The following H3-3A variants were observed in gnomAD, a reference collection of about 807,000 sequenced individuals.
H3-3A encodes the protein histone H3.3.
For missense variants in H3-3A, 7 were observed against 184.0 expected (o/e 0.04, Z 5.57); for synonymous variants, 49 against 61.4 (o/e 0.80, Z 0.95).
rs1046753571 is a variant in H3-3A, at chr1:226,071,809, G to A, written c.*330G>A. 4.7e-6 allele frequency: 1 copy of A among 212,768 alleles called. No individual in the cohort carries two copies. The highest frequency in any genetic ancestry group is 2.5e-5 in the African/African-American group (1 of 40,684). The allele number at this position is 212,768 out of a possible 1,614,324, so 13.2% of individuals were successfully genotyped here. ...TTTTTCTGGACAATGCCAGCATTTG[G>A]ATTTTTTTAAAACAAGTAAATTTCT... On this transcript the variant is annotated 3_prime_UTR_variant, in exon 4 of 4. Coordinates refer to ENST00000366815, the MANE Select transcript of H3-3A (RefSeq NM_002107.7).
intron 2 of H3-3A, 149 bp downstream of exon 2, chr1:226,064,628 C>T: frequency 1.6e-6 from 1 of 609,932 alleles, no homozygotes; most frequent in Non-Finnish European, 2.9e-6. Flanking sequence ...AATAAATGTA[C>T]TGTATGATCA....
In H3-3A at chr1:226,071,507, T is replaced by G. The variant is rs1235713101; in HGVS notation, c.*28T>G. The stretch of plus-strand genomic sequence containing the variant: ...ATCCACTATGATGGGAAACATTTCA[T>G]TCTCAAAAAAAAAAAAAAAAATTTC... On this transcript the variant is annotated 3_prime_UTR_variant, in exon 4 of 4. Transcript: ENST00000366815. The G allele has an allele frequency of 8.4e-6, 8 of 954,590 alleles. No individual in the cohort carries two copies. The highest frequency in any genetic ancestry group is 1.0e-5 in the Non-Finnish European group (7 of 686,458). 59.1% of individuals were successfully genotyped at this position (954,590 alleles called of 1,614,324 possible). A position where few individuals can be genotyped will look rare whatever the true frequency, so the allele number is the denominator to read the frequency against.
chr1:226,064,586 T>C (rs1657859623), intron 2 of H3-3A, 107 bp downstream of exon 2: 1 of 786,328 alleles, frequency 1.3e-6, no homozygotes, highest in Admixed American at 2.9e-5. Flanking sequence ...GAGAAACTTT[T>C]TTTTTTCATT....
At position 226,066,223 on chromosome 1, in the gene H3-3A, CAT is replaced by C. The variant is rs1248137472; in HGVS notation, c.282+418_282+419del. On this transcript the variant is annotated intron_variant, in intron 3 of 3. Coordinates refer to ENST00000366815, the MANE Select transcript of H3-3A (RefSeq NM_002107.7). ...AATGTCTCTTCAGGTCCTGAAGAAA[CAT>C]ATAGGTAGAGAGAGCTTAATACCTA... 1.3e-5 allele frequency: 3 copies of C among 233,018 alleles called. No homozygotes were observed. The East Asian group carries it at 2.7e-4, about 21-fold the overall frequency. 14.4% of individuals were successfully genotyped at this position (233,018 alleles called of 1,614,324 possible). A position where few individuals can be genotyped will look rare whatever the true frequency, so the allele number is the denominator to read the frequency against.
intron 3 of H3-3A, 98 bp downstream of exon 3, chr1:226,065,907 C>T (rs745441233): frequency 4.4e-6 from 4 of 914,034 alleles, no homozygotes; most frequent in Non-Finnish European, 7.1e-6. Context: ...TAATCACAAG[C>T]CTGTCAGGTA....
chr1:226,064,915 T>TA (rs1483163986), intron 2 of H3-3A, among the ~76,000 whole-genome samples: 2 of 152,246 alleles, frequency 1.3e-5, no homozygotes, highest in African/African-American at 4.8e-5. Context: ...TTGATTAGCT[T>TA]ATTTCCTTCT....
intron 3 of H3-3A, among the ~76,000 whole-genome samples, chr1:226,069,039 G>A (rs1311929034): frequency 1.4e-5 from 2 of 147,632 alleles, no homozygotes; most frequent in African/African-American, 5.1e-5. Context: ...AGCTAGAAAT[G>A]TGAAAGTACC....
At chr1:226,064,768 A>G (rs966579613) in intron 2 of H3-3A, among the ~76,000 whole-genome samples, 1 of 152,242 alleles carries the variant, frequency 6.6e-6, no homozygotes, top group Admixed American at 6.5e-5. Flanking sequence ...CATTTTAGTT[A>G]ACTATTAGTA....
chr1:226,066,993 A>G (rs867333138), intron 3 of H3-3A: 4 of 152,158 alleles, frequency 2.6e-5, no homozygotes, highest in Non-Finnish European at 4.4e-5. Flanking sequence ...AAAATCTTCC[A>G]TGTTTTTACT....
chr1:226,063,817 C>CT (rs1225089896), intron 1 of H3-3A, among the ~76,000 whole-genome samples: 1 of 149,912 alleles, frequency 6.7e-6, no homozygotes, highest in Non-Finnish European at 1.5e-5. Flanking sequence ...TTCGAGACGC[C>CT]TTTTTGTCAA....
chr1:226,070,722 G>A (rs181541443), intron 3 of H3-3A, among the ~76,000 whole-genome samples: 5 of 152,246 alleles, frequency 3.3e-5, no homozygotes, highest in East Asian at 1.9e-4. Context: ...GCAGTGAGCC[G>A]AGATCGCGCT....
At chr1:226,063,271 C>T (rs1657798857) in intron 1 of H3-3A, among the ~76,000 whole-genome samples, 1 of 152,152 alleles carries the variant, frequency 6.6e-6, no homozygotes, top group Admixed American at 6.5e-5. Flanking sequence ...TGTTGCTAAG[C>T]TTCACCATCT....
chr1:226,063,289 C>G (rs915987274), intron 1 of H3-3A, among the ~76,000 whole-genome samples: 1 of 152,190 alleles, frequency 6.6e-6, no homozygotes, highest in Non-Finnish European at 1.5e-5. Flanking sequence ...TCTTGTCTCT[C>G]TTCTCTGGTC....
At position 226,064,215 on chromosome 1, in the gene H3-3A, A is replaced by G. The variant is rs527996628; in HGVS notation, c.-23-114A>G. ...TTTCAAATTATATAACAATACGAAC[A>G]TTATTTTTTATACTGATCATAATTT... On this transcript the variant is annotated intron_variant, in intron 1 of 3. Transcript: ENST00000366815. The G allele has an allele frequency of 9.9e-6, 7 of 707,956 alleles. No homozygotes were observed. In the East Asian group the frequency reaches 1.1e-4, roughly 11 times the overall value. The allele number at this position is 707,956 out of a possible 1,614,324, so 43.9% of individuals were successfully genotyped here.
chr1:226,070,584 C>A (rs1449353109), intron 3 of H3-3A, among the ~76,000 whole-genome samples: 1 of 152,016 alleles, frequency 6.6e-6, no homozygotes, highest in Non-Finnish European at 1.5e-5. Context: ...CCAGCCTGAC[C>A]AACATGGTGA....
At position 226,071,957 on chromosome 1, in the gene H3-3A, T is replaced by G. The variant is rs1040631681; in HGVS notation, c.*478T>G. 4 of 219,376 alleles carry G rather than the reference T, an allele frequency of 1.8e-5. No individual in the cohort carries two copies. The highest frequency in any genetic ancestry group is 6.8e-5 in the East Asian group (1 of 14,770). The allele number at this position is 219,376 out of a possible 1,614,324, so 13.6% of individuals were successfully genotyped here. On this transcript the variant is annotated 3_prime_UTR_variant, in exon 4 of 4. Coordinates refer to ENST00000366815, the MANE Select transcript of H3-3A (RefSeq NM_002107.7). ...TACATGTTTTTAATGTTGTCTGTCT[T>G]CTGTGCTGTTCCTGTAAGTTTGCTA...
chr1:226,063,198 G>C (rs1017752573), intron 1 of H3-3A, among the ~76,000 whole-genome samples: 7 of 151,878 alleles, frequency 4.6e-5, no homozygotes, highest in Non-Finnish European at 1.0e-4. Context: ...GAGCGGGAAA[G>C]GGGTGGAAAT....
intron 3 of H3-3A, among the ~76,000 whole-genome samples, chr1:226,069,433 C>T (rs1018900247): frequency 6.6e-6 from 1 of 152,144 alleles, no homozygotes; most frequent in African/African-American, 2.4e-5. Flanking sequence ...ATAACTTTTC[C>T]TTATAGAAAA....
intron 3 of H3-3A, among the ~76,000 whole-genome samples, chr1:226,070,214 G>A (rs1463497855): frequency 2.0e-5 from 3 of 152,176 alleles, no homozygotes; most frequent in African/African-American, 7.2e-5. Context: ...AGTTGCGGTG[G>A]CTCACTCCTG....
Sources: gnomAD v4.1 joint callset for allele counts (sites outside exome capture counted in the v4.1 genomes callset) on GRCh38, gnomAD v4.1.1 for gene constraint, MANE v1.5 for transcripts, NCBI Gene and HGNC (gene_info 2026-07-23, HGNC 2026-07-21) for gene names.